RHOH: variants seen among roughly 807,000 people sequenced by gnomAD.
The protein encoded by RHOH is ras homolog family member H, also known as rho-related GTP-binding protein RhoH.
A neutral mutation model predicts 13.8 loss-of-function variants in RHOH; 6 were observed. The ratio of observed to expected loss-of-function variants is 0.44; its 90% CI spans 0.24 to 0.86. The LOEUF is 0.86. RHOH is among the 40% of genes least tolerant of loss of function. RHOH has a pLI of 0.24. For missense variants in RHOH, 147 were observed against 244.5 expected (o/e 0.60, Z 2.66); for synonymous variants, 117 against 103.0 (o/e 1.14, Z -0.82).
At chr4:40,234,647 C>G (rs1180241141) in intron 1 of RHOH, among the ~76,000 whole-genome samples, 5 of 150,292 alleles carry the variant, frequency 3.3e-5, no homozygotes, top group African/African-American at 9.8e-5. Flanking sequence ...TTTAATTCAA[C>G]TATAAAGGGG....
At chr4:40,237,380 G>A (rs1275640711) in intron 1 of RHOH, among the ~76,000 whole-genome samples, 1 of 152,140 alleles carries the variant, frequency 6.6e-6, no homozygotes, top group Non-Finnish European at 1.5e-5. Flanking sequence ...ACTTGAACCC[G>A]GGAGGTGGAG....
chr4:40,204,452 C>CT (rs1252767680), intron 1 of RHOH, among the ~76,000 whole-genome samples: 1 of 152,216 alleles, frequency 6.6e-6, no homozygotes, highest in Non-Finnish European at 1.5e-5. Flanking sequence ...TTGGCTTGTG[C>CT]TTTGGAGCAA....
chr4:40,244,005 G>T lies in RHOH; in HGVS notation c.*43G>T. Reference sequence around the variant, plus strand: ...ACAACACTTATGTATGCACCCCAAAGACTAATGGGGAGAGGGAGGGCCGGG... The same window carrying T: ...ACAACACTTATGTATGCACCCCAAATACTAATGGGGAGAGGGAGGGCCGGG... On this transcript the variant is annotated 3_prime_UTR_variant, in exon 3 of 3. Transcript: ENST00000381799. 1 of 1,481,138 alleles carries T rather than the reference G, an allele frequency of 6.8e-7. No homozygotes were observed. The highest frequency in any genetic ancestry group is 1.3e-5 in the South Asian group (1 of 78,030). 91.7% of individuals were successfully genotyped at this position (1,481,138 alleles called of 1,614,324 possible).
At chr4:40,235,439 A>ACGCATAGTGTCTACAGCACAGAC (rs1415094701) in intron 1 of RHOH, 12 of 150,620 alleles carry the variant, frequency 8.0e-5, no homozygotes, top group African/African-American at 2.0e-4. Flanking sequence ...AAATTACAAA[A>ACGCATAGTGTCTACAGCACAGAC]TTAGCTGGGC....
intron 1 of RHOH, among the ~76,000 whole-genome samples, chr4:40,229,518 G>A (rs965701327): frequency 1.3e-5 from 2 of 151,584 alleles, no homozygotes; most frequent in Non-Finnish European, 2.9e-5. Context: ...CCTGTAGTCT[G>A]AGCTACTCGG....
At chr4:40,198,024 G>A (rs532773841) in intron 1 of RHOH, among the ~76,000 whole-genome samples, 1 of 152,230 alleles carries the variant, frequency 6.6e-6, no homozygotes, top group African/African-American at 2.4e-5. Context: ...GTGCCGTGGA[G>A]GATATAAGAG....
chr4:40,194,301 T>C (rs1722907237), upstream of RHOH, among the ~76,000 whole-genome samples: 1 of 152,066 alleles, frequency 6.6e-6, no homozygotes. Context: ...TGATCTTGCC[T>C]CACTACAACC....
At chr4:40,212,954 C>T (rs1256511847) in intron 1 of RHOH, among the ~76,000 whole-genome samples, 1 of 152,204 alleles carries the variant, frequency 6.6e-6, no homozygotes, top group East Asian at 1.9e-4. Context: ...AGGGAAGGTT[C>T]CCCTAAACTG....
intron 1 of RHOH, among the ~76,000 whole-genome samples, chr4:40,203,218 C>T (rs1388891825): frequency 2.0e-5 from 3 of 152,246 alleles, no homozygotes; most frequent in Non-Finnish European, 4.4e-5. Flanking sequence ...GTGATCCGCC[C>T]GCCTCGGCCT....
In RHOH at chr4:40,209,877, A is replaced by C. The variant is rs569031648; in HGVS notation, c.-331+12577A>C. ...TATTCATTCTGTGTAAAGTAGGAAAATAAAGGAAAATTACCTTGTATCTTT... is the reference window on the plus strand; with the variant it reads ...TATTCATTCTGTGTAAAGTAGGAAACTAAAGGAAAATTACCTTGTATCTTT... On this transcript the variant is annotated intron_variant, in intron 1 of 2. Transcript: ENST00000381799. Among the ~76,000 whole-genome samples, 4 of 152,372 alleles carry C rather than the reference A, an allele frequency of 2.6e-5. No individual in the cohort carries two copies. In the South Asian group the frequency reaches 8.3e-4, roughly 32 times the overall value.
At chr4:40,199,646 G>A (rs1402212953) in intron 1 of RHOH, among the ~76,000 whole-genome samples, 1 of 152,176 alleles carries the variant, frequency 6.6e-6, no homozygotes, top group Non-Finnish European at 1.5e-5. Context: ...CTTTTCATTA[G>A]AGGCAGAGAG....
chr4:40,220,461 C>T (rs1055580141), intron 1 of RHOH, among the ~76,000 whole-genome samples: 10 of 152,164 alleles, frequency 6.6e-5, no homozygotes, highest in African/African-American at 2.2e-4. Flanking sequence ...ATTTTATTCT[C>T]TGAGGTCCTA....
intron 1 of RHOH, among the ~76,000 whole-genome samples, chr4:40,241,127 G>T (rs6531769): frequency 3.3e-5 from 5 of 152,216 alleles, no homozygotes; most frequent in African/African-American, 4.8e-5. Flanking sequence ...AAAGTTTAAC[G>T]GAAGCCTATG....
intron 1 of RHOH, among the ~76,000 whole-genome samples, chr4:40,215,273 C>T (rs914790341): frequency 2.6e-5 from 4 of 152,192 alleles, no homozygotes; most frequent in African/African-American, 9.7e-5. Context: ...AATTTCTCTT[C>T]TCCTTTTGTC....
intron 1 of RHOH, among the ~76,000 whole-genome samples, chr4:40,227,998 T>G (rs1727453374): frequency 1.3e-5 from 2 of 152,178 alleles, no homozygotes; most frequent in African/African-American, 4.8e-5. Context: ...CTATTTATCC[T>G]AAAGAAATAA....
chr4:40,228,098 A>G (rs1727465251), intron 1 of RHOH, among the ~76,000 whole-genome samples: 4 of 152,238 alleles, frequency 2.6e-5, no homozygotes, highest in Admixed American at 1.3e-4. Flanking sequence ...AATTGGTTAA[A>G]TAAATGATGC....
chr4:40,221,411 G>A lies in RHOH; in HGVS notation c.-330-21303G>A, dbSNP rs868513927. 4.6e-5 allele frequency among the ~76,000 whole-genome samples: 7 copies of A among 152,288 alleles called. No homozygotes were observed. In the South Asian group the frequency reaches 1.0e-3, roughly 23 times the overall value. On this transcript the variant is annotated intron_variant, in intron 1 of 2. Transcript: ENST00000381799. ...TTTGTGGCAACTCTGTGTTGAGCGA[G>A]TCTATCGGCACCATTTTCCCAACAG...
At chr4:40,192,100 A>G (rs1722729425), upstream of RHOH, among the ~76,000 whole-genome samples, 2 of 152,220 alleles carry the variant, frequency 1.3e-5, no homozygotes, top group Admixed American at 1.3e-4. Flanking sequence ...TCATTCTCTT[A>G]ACATTTTATA....
upstream of RHOH, among the ~76,000 whole-genome samples, chr4:40,192,296 T>G (rs1251823223): frequency 6.6e-6 from 1 of 152,190 alleles, no homozygotes; most frequent in Non-Finnish European, 1.5e-5. Context: ...TGAAATATTT[T>G]ATTAGGTGGC....
Sources: gnomAD v4.1 joint callset for allele counts (sites outside exome capture counted in the v4.1 genomes callset) on GRCh38, gnomAD v4.1.1 for gene constraint, MANE v1.5 for transcripts, NCBI Gene and HGNC (gene_info 2026-07-23, HGNC 2026-07-21) for gene names.